The following RECK variants were observed in gnomAD, a reference collection of about 807,000 sequenced individuals.
The protein encoded by RECK is reversion-inducing cysteine-rich protein with Kazal motifs.
RECK carries 69 observed loss-of-function variants against 115.1 expected under a neutral mutation model. The observed-to-expected ratio is 0.60, with a 90% confidence interval of 0.49 to 0.73. RECK has a LOEUF of 0.73. Among genes scored for constraint, RECK ranks in the 30% least tolerant of loss-of-function variants. RECK has a pLI of 0.00. For synonymous variants in RECK, 414 were observed against 419.7 expected (o/e 0.99, Z 0.17); for missense variants, 1,047 against 1,203.7 (o/e 0.87, Z 1.93).
chr9:36,073,530 A>C (rs372652021), intron 6 of RECK, among the ~76,000 whole-genome samples: 1 of 152,142 alleles, frequency 6.6e-6, no homozygotes, highest in Non-Finnish European at 1.5e-5. Flanking sequence ...CTGGATACCT[A>C]TAATAGCTGC....
intron 1 of RECK, among the ~76,000 whole-genome samples, chr9:36,038,051 C>G (rs78993453): frequency 0.025 from 3,718 of 150,652 alleles, 161 homozygotes; most frequent in African/African-American, 0.085. Context: ...GTAGGCTCTC[C>G]CCTGTAATCC....
intron 1 of RECK, among the ~76,000 whole-genome samples, chr9:36,050,835 C>G (rs1489182712): frequency 2.0e-5 from 3 of 152,242 alleles, no homozygotes; most frequent in South Asian, 4.1e-4. Context: ...GTGGCTCGTT[C>G]CCTTACTTTA....
chr9:36,116,815 C>T (rs566787012), intron 16 of RECK, among the ~76,000 whole-genome samples, 170 bp from the exon 17 acceptor site: 41 of 152,352 alleles, frequency 2.7e-4, no homozygotes, highest in Non-Finnish European at 4.6e-4. Flanking sequence ...TTTTAGCCTA[C>T]TGTATATACA....
chr9:36,105,861 T>C (rs2132658253), intron 13 of RECK, among the ~76,000 whole-genome samples: 1 of 152,338 alleles, frequency 6.6e-6, no homozygotes, highest in Middle Eastern at 3.4e-3. Flanking sequence ...TGTTGCAACA[T>C]TTTGCTTCTT....
chr9:36,107,110 A>C (rs112019892), intron 13 of RECK, among the ~76,000 whole-genome samples: 2 of 150,284 alleles, frequency 1.3e-5, no homozygotes, highest in African/African-American at 4.9e-5. Flanking sequence ...CGTCTCAAAA[A>C]AAAAAAAAAA....
chr9:36,076,123 G>T (rs569900418), intron 6 of RECK, among the ~76,000 whole-genome samples: 1 of 152,310 alleles, frequency 6.6e-6, no homozygotes, highest in South Asian at 2.1e-4. Context: ...CAGAGCCAGG[G>T]CTAGAACCCG....
Position 36,062,996 on chromosome 9 carries a change from A to G in RECK, c.272-799A>G, listed in dbSNP as rs868807325. Among the ~76,000 whole-genome samples the G allele has an allele frequency of 3.3e-4, 50 of 151,966 alleles. 1 individual carries two copies. In the South Asian group the frequency reaches 3.8e-3, roughly 11 times the overall value. On this transcript the variant is annotated intron_variant, in intron 4 of 20. Transcript: ENST00000377966. Reference sequence around the variant, plus strand: ...CTAAAAATACAAAAATTAGCCGGGCATGGTGGCAGACGCCTGTAGTCCCAG... The same window carrying G: ...CTAAAAATACAAAAATTAGCCGGGCGTGGTGGCAGACGCCTGTAGTCCCAG...
intron 13 of RECK, among the ~76,000 whole-genome samples, chr9:36,107,295 T>G (rs1823858912): frequency 6.6e-6 from 1 of 151,346 alleles, no homozygotes; most frequent in Admixed American, 6.6e-5. Flanking sequence ...AACAATATTA[T>G]TCTAAAAATA....
intron 1 of RECK, among the ~76,000 whole-genome samples, chr9:36,043,069 A>ATAGG (rs1820938808): frequency 8.9e-6 from 1 of 112,184 alleles, no homozygotes; most frequent in Non-Finnish European, 1.6e-5. Context: ...TCTGTTGCCT[A>ATAGG]GGCTGGAGTG....
At chr9:36,066,840 G>A (rs1484134319) in intron 6 of RECK, 4 of 1,289,488 alleles carry the variant, frequency 3.1e-6, no homozygotes. Context: ...AAGTCTGCCA[G>A]TATGTGTTGA....
chr9:36,054,771 T>C (rs904612347), intron 2 of RECK, among the ~76,000 whole-genome samples: 1 of 152,190 alleles, frequency 6.6e-6, no homozygotes, highest in South Asian at 2.1e-4. Context: ...TTTGTATATG[T>C]CTTACCTGTA....
intron 2 of RECK, 29 bp downstream of exon 2, chr9:36,052,352 G>A (rs753427541): frequency 6.5e-7 from 1 of 1,533,006 alleles, no homozygotes; most frequent in East Asian, 2.3e-5. Context: ...TACAGAGGCA[G>A]CCAGACACAG....
chr9:36,121,758 A>G, intron 20 of RECK, 70 bp downstream of exon 20: 1 of 1,494,148 alleles, frequency 6.7e-7, no homozygotes, highest in Non-Finnish European at 9.2e-7. Flanking sequence ...GGGAGTGGGC[A>G]CAAACTAGGA....
chr9:36,120,691 G>C lies in RECK; in HGVS notation c.2493G>C (p.Met831Ile). Reference protein sequence around the residue: ...PGACCPLCAGMLRVLFDKEKL... With the variant: ...PGACCPLCAGILRVLFDKEKL... ...CTTGTTGCCCATTATGTGCTGGGAT[G>C]TTAAGAGTTTTATTTGACAAAGAAA... Residue 831 changes from methionine to isoleucine, a missense_variant, in exon 19 of 21, where the codon ATG (methionine) becomes ATC (isoleucine). Coordinates refer to ENST00000377966, the MANE Select transcript of RECK (RefSeq NM_021111.3). 6.2e-7 allele frequency: 1 copy of C among 1,613,544 alleles called. No individual in the cohort carries two copies.
At chr9:36,064,800 G>GCTGA (rs1821922072) in intron 5 of RECK, among the ~76,000 whole-genome samples, 1 of 152,090 alleles carries the variant, frequency 6.6e-6, no homozygotes, top group East Asian at 1.9e-4. Flanking sequence ...TCATCAGCTG[G>GCTGA]CCTGTTCTAA....
At position 36,123,053 on chromosome 9, in the gene RECK, C is replaced by A; in HGVS notation, c.*8C>A. On this transcript the variant is annotated 3_prime_UTR_variant, in exon 21 of 21. Coordinates refer to ENST00000377966, the MANE Select transcript of RECK (RefSeq NM_021111.3). ...CTCTGGACATATAACTGACTGCCCA[C>A]GGAAAGTGCAGAATGCTCCTCCACC... The A allele has an allele frequency of 6.2e-7, 1 of 1,607,512 alleles. No individual in the cohort carries two copies.
At chr9:36,069,979 C>T (rs190089403) in intron 6 of RECK, among the ~76,000 whole-genome samples, 5 of 152,288 alleles carry the variant, frequency 3.3e-5, no homozygotes, top group Admixed American at 1.3e-4. Context: ...ATCAATCTAG[C>T]ATTCTATATC....
rs920854530 is a variant in RECK, at chr9:36,123,202, G to A, written c.*157G>A. 7.0e-6 allele frequency: 4 copies of A among 567,904 alleles called. No homozygotes were observed. In the South Asian group the frequency reaches 7.9e-5, roughly 11 times the overall value. 35.2% of individuals were successfully genotyped at this position (567,904 alleles called of 1,614,324 possible). ...TTTTTTTTTTAATCCGCCAATATTA[G>A]TAGGATTTTTGTTTTGTTTTTACAA... is the stretch of plus-strand genomic sequence containing the variant. On this transcript the variant is annotated 3_prime_UTR_variant, in exon 21 of 21. Coordinates refer to ENST00000377966, the MANE Select transcript of RECK (RefSeq NM_021111.3).
At position 36,100,543 on chromosome 9, in the gene RECK, A is replaced by G; in HGVS notation, c.1298A>G (p.Lys433Arg). 6.2e-7 allele frequency: 1 copy of G among 1,610,074 alleles called. No individual in the cohort carries two copies. The highest frequency in any genetic ancestry group is 8.5e-7 in the Non-Finnish European group (1 of 1,176,794). Reference sequence around the variant, plus strand: ...AAATCTCGGGGAAGTATTATTTGCAAGTAAGTTTCTTTCATCCTAACGATT... The same window carrying G: ...AAATCTCGGGGAAGTATTATTTGCAGGTAAGTTTCTTTCATCCTAACGATT... Reference protein sequence around the residue: ...HSKSRGSIICKSDCVEILKKC... With the variant: ...HSKSRGSIICRSDCVEILKKC... The change falls in exon 11 of 21, where the codon AAA becomes AGA. Residue 433 changes from lysine (K) to arginine (R), a missense_variant and splice_region_variant. Lys to Arg is a conservative substitution (Grantham distance 26). Transcript: ENST00000377966.
Sources: gnomAD v4.1 joint callset for allele counts (sites outside exome capture counted in the v4.1 genomes callset) on GRCh38, gnomAD v4.1.1 for gene constraint, MANE v1.5 for transcripts, NCBI Gene and HGNC (gene_info 2026-07-23, HGNC 2026-07-21) for gene names.